CNOT10: variants seen among roughly 807,000 people sequenced by gnomAD.
CNOT10 encodes CCR4-NOT transcription complex, subunit 10.
CNOT10 carries 30 observed loss-of-function variants against 94.6 expected under a neutral mutation model. The ratio of observed to expected loss-of-function variants is 0.32; its 90% CI spans 0.24 to 0.43. The LOEUF (loss-of-function observed/expected upper bound fraction) is 0.43. CNOT10 is among the 20% of genes least tolerant of loss of function. The pLI, the probability that CNOT10 is intolerant of heterozygous loss-of-function variation, is 1.00. For synonymous variants in CNOT10, 289 were observed against 301.6 expected, an observed-to-expected ratio of 0.96 and a Z score of 0.43; for missense variants, 759 against 877.2, an observed-to-expected ratio of 0.87 and a Z score of 1.70.
chr3:32,763,012 C>A, intron 15 of CNOT10, 149 bp downstream of exon 15: 1 of 712,456 alleles, frequency 1.4e-6, no homozygotes, highest in Non-Finnish European at 2.1e-6. Context: ...TACTTTGTAG[C>A]AGTTGTTTGC....
At chr3:32,725,251 A>AGAG (rs1698614013) in intron 8 of CNOT10, among the ~76,000 whole-genome samples, 199 bp from the exon 9 acceptor site, 1 of 152,196 alleles carries the variant, frequency 6.6e-6, no homozygotes, top group Non-Finnish European at 1.5e-5. Context: ...AATTTGTATC[A>AGAG]CCTTTAATAA....
chr3:32,762,945 G>A (rs2125637375), intron 15 of CNOT10, 82 bp downstream of exon 15: 4 of 1,405,092 alleles, frequency 2.8e-6, no homozygotes, highest in Non-Finnish European at 3.7e-6. Context: ...GGAAATTTAG[G>A]CATGGTGGTA....
At chr3:32,761,370 A>G (rs761795302) in intron 14 of CNOT10, among the ~76,000 whole-genome samples, 2 of 152,134 alleles carry the variant, frequency 1.3e-5, no homozygotes, top group African/African-American at 2.4e-5. Context: ...ATTGTGGTGT[A>G]TACGGCCATT....
intron 9 of CNOT10, among the ~76,000 whole-genome samples, chr3:32,726,181 T>C (rs1201647176): frequency 2.6e-5 from 4 of 152,116 alleles, no homozygotes; most frequent in Admixed American, 1.3e-4. Context: ...CTGGCTTAAG[T>C]GATCCTCCCA....
intron 4 of CNOT10, among the ~76,000 whole-genome samples, chr3:32,711,337 A>C (rs935021353): frequency 2.0e-5 from 3 of 152,134 alleles, no homozygotes; most frequent in Admixed American, 2.0e-4. Flanking sequence ...TAATCGCTAA[A>C]TTACTTATAA....
At chr3:32,686,485 C>T (rs1696604807) in intron 1 of CNOT10, among the ~76,000 whole-genome samples, 1 of 152,146 alleles carries the variant, frequency 6.6e-6, no homozygotes, top group Non-Finnish European at 1.5e-5. Context: ...TAGAGGATCT[C>T]TTCAATAATC....
At chr3:32,728,196 A>T (rs1698771785) in intron 10 of CNOT10, among the ~76,000 whole-genome samples, 1 of 151,736 alleles carries the variant, frequency 6.6e-6, no homozygotes, top group Admixed American at 6.6e-5. Flanking sequence ...AGGTTTCACC[A>T]TGTTGCCCAG....
chr3:32,711,838 G>A (rs1172963411), intron 4 of CNOT10, among the ~76,000 whole-genome samples: 1 of 152,134 alleles, frequency 6.6e-6, no homozygotes, highest in East Asian at 1.9e-4. Flanking sequence ...GGCAGAAGAG[G>A]TAAAGCCTAG....
At position 32,685,488 on chromosome 3, in the gene CNOT10, G is replaced by C. The variant is rs1331412424; in HGVS notation, c.22+6G>C. 8 of 1,550,478 alleles carry C rather than the reference G, an allele frequency of 5.2e-6. No individual in the cohort carries two copies. The highest frequency in any genetic ancestry group is 3.9e-5 in the Admixed American group (2 of 50,986). The stretch of plus-strand genomic sequence containing the variant: ...GGCTGCAGACAAGCCTGCAGGTAGG[G>C]CGCCAATGTCCCGAGCGACGAGACG... On this transcript the variant is annotated splice_donor_region_variant and intron_variant, in intron 1 of 18. Coordinates refer to ENST00000328834, the MANE Select transcript of CNOT10 (RefSeq NM_015442.3).
Position 32,704,894 on chromosome 3 carries a change from A to T in CNOT10, c.201A>T (p.Thr67=). 2 of 1,573,884 alleles carry T rather than the reference A, an allele frequency of 1.3e-6. No individual in the cohort carries two copies. The highest frequency in any genetic ancestry group is 2.3e-5 in the East Asian group (1 of 43,250). The change falls in exon 3 of 19, where the codon ACA becomes ACT. Residue 67 remains threonine (T), a synonymous_variant. Coordinates refer to ENST00000328834, the MANE Select transcript of CNOT10 (RefSeq NM_015442.3). ...NKDDYKIILN[T]AVAEFFKSNQ... Reference sequence around the variant, plus strand: ...ATGATTATAAAATAATTTTGAATACAGCAGTAGCTGAGTTTTTTAAAAGTA... The same window carrying T: ...ATGATTATAAAATAATTTTGAATACTGCAGTAGCTGAGTTTTTTAAAAGTA...
chr3:32,772,111 G>A (rs1700932407), intron 18 of CNOT10, among the ~76,000 whole-genome samples: 1 of 152,176 alleles, frequency 6.6e-6, no homozygotes, highest in African/African-American at 2.4e-5. Flanking sequence ...AACACTTTGG[G>A]AGGCCGAGGC....
At chr3:32,768,099 A>G (rs886877108) in intron 17 of CNOT10, among the ~76,000 whole-genome samples, 4 of 152,180 alleles carry the variant, frequency 2.6e-5, no homozygotes, top group African/African-American at 7.2e-5. Flanking sequence ...GGCTCCGAGT[A>G]GATGTTTCCA....
At chr3:32,723,835 C>T (rs1698530204) in intron 8 of CNOT10, among the ~76,000 whole-genome samples, 1 of 152,156 alleles carries the variant, frequency 6.6e-6, no homozygotes, top group Non-Finnish European at 1.5e-5. Flanking sequence ...AATCTCAGCA[C>T]TTTGGGAGGT....
rs191105654 is a variant in CNOT10, at chr3:32,739,685, G to A, written c.1595+2195G>A. Reference sequence around the variant, plus strand: ...GCCTGTGATCCCAGCACATTGGTGGGCTGCAGAGGCAGGCAGATCAGCTGA... The same window carrying A: ...GCCTGTGATCCCAGCACATTGGTGGACTGCAGAGGCAGGCAGATCAGCTGA... On this transcript the variant is annotated intron_variant, in intron 13 of 18. Transcript: ENST00000328834. Among the ~76,000 whole-genome samples, 11 of 152,292 alleles carry A rather than the reference G, an allele frequency of 7.2e-5. No individual in the cohort carries two copies. The East Asian group carries it at 2.1e-3, about 29-fold the overall frequency.
chr3:32,749,036 C>T (rs911045653), intron 13 of CNOT10, among the ~76,000 whole-genome samples: 1 of 147,712 alleles, frequency 6.8e-6, no homozygotes, highest in Non-Finnish European at 1.5e-5. Context: ...TGGCCAGGCT[C>T]GTCTCGAACT....
At chr3:32,697,538 A>G (rs1375878561) in intron 1 of CNOT10, among the ~76,000 whole-genome samples, 2 of 151,862 alleles carry the variant, frequency 1.3e-5, no homozygotes, top group Non-Finnish European at 2.9e-5. Flanking sequence ...TGGCATGGTC[A>G]CGGCTCACTG....
chr3:32,733,246 C>G (rs1173241639), intron 10 of CNOT10, among the ~76,000 whole-genome samples, 177 bp from the exon 11 acceptor site: 3 of 152,140 alleles, frequency 2.0e-5, no homozygotes, highest in Admixed American at 6.6e-5. Context: ...CCCAGATTTT[C>G]AGCCTTATAT....
At chr3:32,691,553 C>T (rs921514482) in intron 1 of CNOT10, among the ~76,000 whole-genome samples, 3 of 152,082 alleles carry the variant, frequency 2.0e-5, no homozygotes, top group Non-Finnish European at 4.4e-5. Flanking sequence ...GTGATCTGCC[C>T]GCCTCGGCCT....
intron 1 of CNOT10, among the ~76,000 whole-genome samples, chr3:32,698,645 A>C (rs1258243766): frequency 6.6e-6 from 1 of 152,226 alleles, no homozygotes; most frequent in Non-Finnish European, 1.5e-5. Context: ...ACTGGACTGA[A>C]GATGTGACTG....
Sources: allele counts gnomAD v4.1 joint callset (sites outside exome capture counted in the v4.1 genomes callset), GRCh38; gene constraint gnomAD v4.1.1; transcripts MANE v1.5; gene names NCBI Gene and HGNC (gene_info 2026-07-23, HGNC 2026-07-21).